Variants in KCNK13 observed in about 807,000 individuals in gnomAD.
KCNK13 encodes potassium two pore domain channel subfamily K member 13, also known as potassium channel subfamily K member 13.
KCNK13 carries 12 observed loss-of-function variants against 23.4 expected under a neutral mutation model. The observed-to-expected ratio is 0.51, with a 90% CI of 0.33 to 0.83. The LOEUF (loss-of-function observed/expected upper bound fraction) is 0.83. KCNK13 is among the 40% of genes least tolerant of loss of function. The pLI is 0.02. For synonymous variants in KCNK13, 231 were observed against 229.5 expected (o/e 1.01, Z -0.06); for missense variants, 463 against 556.3 (o/e 0.83, Z 1.69).
intron 1 of KCNK13, among the ~76,000 whole-genome samples, chr14:90,119,195 G>A (rs1889709244): frequency 6.6e-6 from 1 of 152,108 alleles, no homozygotes; most frequent in Non-Finnish European, 1.5e-5. Flanking sequence ...TGGATTCACA[G>A]CTGAATTCTA....
At chr14:90,078,670 T>G (rs1348029132) in intron 1 of KCNK13, among the ~76,000 whole-genome samples, 1 of 152,070 alleles carries the variant, frequency 6.6e-6, no homozygotes, top group Non-Finnish European at 1.5e-5. Flanking sequence ...GTAGTTGTGC[T>G]GAGAACTCAG....
chr14:90,062,181 G>C lies in KCNK13; in HGVS notation c.-25G>C. The C allele has an allele frequency of 7.4e-7, 1 of 1,353,178 alleles. No homozygotes were observed. The highest frequency in any genetic ancestry group is 1.7e-5 in the South Asian group (1 of 58,764). The allele number at this position is 1,353,178 out of a possible 1,614,324, so 83.8% of individuals were successfully genotyped here. On this transcript the variant is annotated 5_prime_UTR_variant, in exon 1 of 2. Transcript: ENST00000282146. The surrounding 1 kb of genome is among the most constrained non-coding windows in gnomAD (Gnocchi z 4.5). ...CGCCGACGCCCGGTGCCGTGGGCCT[G>C]GGGGCTGCCCCCGGGGGCCCGGCCA...
chr14:90,130,501 GAGA>G (rs986380264), intron 1 of KCNK13, among the ~76,000 whole-genome samples: 145 of 151,358 alleles, frequency 9.6e-4, no homozygotes, highest in African/African-American at 3.3e-3. Flanking sequence ...CACCCAGCTA[GAGA>G]AGGACATTTA....
chr14:90,086,233 C>T (rs1889274293), intron 1 of KCNK13, among the ~76,000 whole-genome samples: 1 of 152,070 alleles, frequency 6.6e-6, no homozygotes, highest in Admixed American at 6.6e-5. Context: ...ATCTTATTCT[C>T]ACTGCTAACA....
intron 1 of KCNK13, among the ~76,000 whole-genome samples, chr14:90,110,693 T>A (rs1889605841): frequency 6.6e-6 from 1 of 151,724 alleles, no homozygotes; most frequent in Non-Finnish European, 1.5e-5. Flanking sequence ...TACTATTGAA[T>A]CTTCTGGGGT....
rs1432338775 is a variant in KCNK13, at chr14:90,101,720, G to A, written c.334+39181G>A. ...CAGGAGAACTGCTTGAACCCAGGAG[G>A]TGGAGGTTGCAATGAGCTAAGATCG... On this transcript the variant is annotated intron_variant, in intron 1 of 1. Transcript: ENST00000282146. Among the ~76,000 whole-genome samples, 6 of 140,814 alleles carry A rather than the reference G, an allele frequency of 4.3e-5. No homozygotes were observed. In the East Asian group the frequency reaches 1.2e-3, roughly 27 times the overall value. 92.4% of individuals were successfully genotyped at this position (140,814 alleles called of 152,430 possible). A position where few individuals can be genotyped will look rare whatever the true frequency, so the allele number is the denominator to read the frequency against.
intron 1 of KCNK13, among the ~76,000 whole-genome samples, chr14:90,158,175 C>A (rs1890216178): frequency 6.6e-6 from 1 of 152,154 alleles, no homozygotes; most frequent in African/African-American, 2.4e-5. Context: ...TGGCCCAGAG[C>A]CATGGTTGCC....
chr14:90,101,964 A>C (rs1047387637), intron 1 of KCNK13, among the ~76,000 whole-genome samples: 1 of 150,422 alleles, frequency 6.6e-6, no homozygotes, highest in African/African-American at 2.4e-5. Flanking sequence ...GCTCACTGCA[A>C]CCTCTGCCTC....
intron 1 of KCNK13, among the ~76,000 whole-genome samples, chr14:90,135,870 C>A (rs1469568136): frequency 1.3e-5 from 2 of 152,048 alleles, no homozygotes; most frequent in Non-Finnish European, 2.9e-5. Context: ...TGGTGACAGC[C>A]AGGATGTTGA....
intron 1 of KCNK13, among the ~76,000 whole-genome samples, chr14:90,163,815 G>A (rs1434936090): frequency 7.2e-5 from 11 of 152,086 alleles, no homozygotes; most frequent in African/African-American, 2.2e-4. Context: ...TCTGCCTCCC[G>A]AGTAGCTGGG....
At chr14:90,087,750 A>G (rs2140399022) in intron 1 of KCNK13, among the ~76,000 whole-genome samples, 1 of 152,242 alleles carries the variant, frequency 6.6e-6, no homozygotes, top group Admixed American at 6.5e-5. Context: ...GGGAAGAAGC[A>G]AGCATTTGGA....
chr14:90,075,421 T>C (rs1889122914), intron 1 of KCNK13, among the ~76,000 whole-genome samples: 1 of 152,194 alleles, frequency 6.6e-6, no homozygotes, highest in African/African-American at 2.4e-5. Context: ...GAATCTACCT[T>C]GTATCATCAC....
chr14:90,067,606 ATATGT>A (rs1889024252), intron 1 of KCNK13, among the ~76,000 whole-genome samples: 1 of 152,236 alleles, frequency 6.6e-6, no homozygotes. Context: ...AAAATGATAA[ATATGT>A]TAAGTATATT....
intron 1 of KCNK13, among the ~76,000 whole-genome samples, chr14:90,113,783 A>G (rs888081322): frequency 3.3e-5 from 5 of 152,102 alleles, no homozygotes; most frequent in African/African-American, 1.2e-4. Context: ...AAGTACAAAA[A>G]TTAGCCGAGC....
In KCNK13 at chr14:90,120,674, A is replaced by C. The variant is rs1015666787; in HGVS notation, c.334+58135A>C. Among the ~76,000 whole-genome samples, 5 of 152,190 alleles carry C rather than the reference A, an allele frequency of 3.3e-5. 1 individual carries two copies. Among genetic ancestry groups the C allele is most frequent in the South Asian group, 2.1e-4 (1 of 4,828 alleles). On this transcript the variant is annotated intron_variant, in intron 1 of 1. Coordinates refer to ENST00000282146, the MANE Select transcript of KCNK13 (RefSeq NM_022054.4). ...TCCCACTGGGTCCCTCCCACGATCT[A>C]TGGGATTATGGGATTAAAATTTACG...
chr14:90,128,668 C>T (rs888746342), intron 1 of KCNK13, among the ~76,000 whole-genome samples: 2 of 152,160 alleles, frequency 1.3e-5, no homozygotes, highest in African/African-American at 4.8e-5. Flanking sequence ...AGGCCACAAA[C>T]CCTTCCAAGC....
intron 1 of KCNK13, among the ~76,000 whole-genome samples, chr14:90,178,887 A>AG (rs1566653358): frequency 1.3e-5 from 2 of 152,166 alleles, no homozygotes; most frequent in Non-Finnish European, 1.5e-5. Context: ...CAACAAATCA[A>AG]GGGCATACCA....
intron 1 of KCNK13, among the ~76,000 whole-genome samples, chr14:90,121,537 G>T (rs983476267): frequency 6.6e-6 from 1 of 152,066 alleles, no homozygotes; most frequent in Non-Finnish European, 1.5e-5. Flanking sequence ...GTTCTTTATT[G>T]TTGGCTGTTT....
chr14:90,161,961 G>T (rs754413923), intron 1 of KCNK13, among the ~76,000 whole-genome samples: 199 of 152,100 alleles, frequency 1.3e-3, no homozygotes, highest in Non-Finnish European at 2.4e-3. Context: ...GGAGGATTGT[G>T]TGAGCCCAGG....
Sources: allele counts gnomAD v4.1 joint callset (sites outside exome capture counted in the v4.1 genomes callset), GRCh38; gene constraint gnomAD v4.1.1; non-coding constraint Gnocchi (gnomAD v3.1); transcripts MANE v1.5; gene names NCBI Gene and HGNC (gene_info 2026-07-23, HGNC 2026-07-21).